The following RORA variants were observed in gnomAD, a reference collection of about 807,000 sequenced individuals.
The protein encoded by RORA is RAR related orphan receptor A, also known as nuclear receptor ROR-alpha.
A neutral mutation model predicts 69.5 loss-of-function variants in RORA; 7 were observed. The ratio of observed to expected loss-of-function variants is 0.10; its 90% CI spans 0.06 to 0.19. The LOEUF (loss-of-function observed/expected upper bound fraction) is 0.19. Among genes scored for constraint, RORA ranks in the 10% least tolerant of loss-of-function variants. The pLI, the probability that RORA is intolerant of heterozygous loss-of-function variation, is 1.00. For synonymous variants in RORA, 261 were observed against 240.8 expected (o/e 1.08, Z -0.78); for missense variants, 457 against 663.0 (o/e 0.69, Z 3.41).
intron 1 of RORA, among the ~76,000 whole-genome samples, chr15:61,020,257 C>T (rs1193159662): frequency 6.6e-6 from 1 of 152,160 alleles, no homozygotes; most frequent in African/African-American, 2.4e-5. Context: ...AGCTTCCCAC[C>T]TCTGTCACTT....
chr15:60,857,497 C>A (rs1179205712), intron 1 of RORA, among the ~76,000 whole-genome samples: 1 of 152,054 alleles, frequency 6.6e-6, no homozygotes, highest in Non-Finnish European at 1.5e-5. Context: ...GTACACTCAG[C>A]CAAAGTGACT....
At position 61,005,583 on chromosome 15, in the gene RORA, CTCTT is replaced by C. The variant is rs748935557; in HGVS notation, c.166+223466_166+223469del. Reference sequence around the variant, plus strand: ...TGAAATCTGAAAGCTTTCTCTCTCTCTCTTTCTCTATAATATGTATATATACATA... The same window carrying C: ...TGAAATCTGAAAGCTTTCTCTCTCTCTCTCTATAATATGTATATATACATA... On this transcript the variant is annotated intron_variant, in intron 1 of 10. Coordinates refer to ENST00000335670, the MANE Select transcript of RORA (RefSeq NM_134261.3). Among the ~76,000 whole-genome samples the C allele has an allele frequency of 2.9e-3, 434 of 149,244 alleles. 1 individual carries two copies. The highest frequency in any genetic ancestry group is 5.5e-3 in the Non-Finnish European group (371 of 66,986).
intron 1 of RORA, among the ~76,000 whole-genome samples, chr15:60,798,711 T>A (rs147609238): frequency 0.011 from 1,649 of 152,132 alleles, 29 homozygotes; most frequent in African/African-American, 0.038. Context: ...CAGGCTTAAG[T>A]ATCAGACAGA....
rs1444233714 is a variant in RORA at position 60,678,500 on chromosome 15, G to A, written c.196+157C>T. On this transcript the variant is annotated intron_variant, in intron 2 of 10. Coordinates refer to ENST00000335670, the MANE Select transcript of RORA (RefSeq NM_134261.3). ...ACTCAGTACAAACAGGTGGAGATGTGCCACTTCCGACCACTACAGATTGAA... is the reference window on the plus strand; with the variant it reads ...ACTCAGTACAAACAGGTGGAGATGTACCACTTCCGACCACTACAGATTGAA... 6 of 641,788 alleles carry A rather than the reference G, an allele frequency of 9.3e-6. No homozygotes were observed. In the Admixed American group the frequency reaches 1.5e-4, roughly 16 times the overall value. 39.8% of individuals were successfully genotyped at this position (641,788 alleles called of 1,614,324 possible).
chr15:60,557,029 G>A (rs913660270), intron 2 of RORA: 93 of 936,792 alleles, frequency 9.9e-5, no homozygotes, highest in Non-Finnish European at 1.4e-4. Context: ...ACAGCAATAA[G>A]TACCCAAAAA....
intron 1 of RORA, among the ~76,000 whole-genome samples, chr15:60,852,361 C>G (rs780073417): frequency 6.6e-6 from 1 of 152,204 alleles, no homozygotes; most frequent in African/African-American, 2.4e-5. Flanking sequence ...GCCAGCTGCA[C>G]AGCTGTGCGT....
At chr15:60,939,561 T>G (rs1892625906) in intron 1 of RORA, among the ~76,000 whole-genome samples, 1 of 152,168 alleles carries the variant, frequency 6.6e-6, no homozygotes, top group Admixed American at 6.5e-5. Flanking sequence ...AATAATATAT[T>G]ATGCCTTTCG....
chr15:60,887,307 C>T (rs2073762436), intron 1 of RORA, among the ~76,000 whole-genome samples: 1 of 152,190 alleles, frequency 6.6e-6, no homozygotes, highest in African/African-American at 2.4e-5. Flanking sequence ...GTTGTGAAGA[C>T]ATACTCTTGT....
chr15:60,694,212 G>C (rs765429040), intron 1 of RORA, among the ~76,000 whole-genome samples: 1 of 152,128 alleles, frequency 6.6e-6, no homozygotes, highest in Non-Finnish European at 1.5e-5. Flanking sequence ...AAGGTCAAAT[G>C]GTCCCTGTAA....
intron 1 of RORA, among the ~76,000 whole-genome samples, chr15:61,134,372 C>T (rs985328278): frequency 6.6e-6 from 1 of 152,206 alleles, no homozygotes; most frequent in Non-Finnish European, 1.5e-5. Flanking sequence ...TGCTGCTGGG[C>T]TGTGAATACC....
intron 2 of RORA, among the ~76,000 whole-genome samples, chr15:60,657,964 T>A (rs1053053493): frequency 6.6e-6 from 1 of 152,216 alleles, no homozygotes; most frequent in African/African-American, 2.4e-5. Flanking sequence ...TCTTGGCCTC[T>A]CCATCCAAAA....
Position 61,076,154 on chromosome 15 carries a change from C to A in RORA, c.166+152899G>T, listed in dbSNP as rs563560536. 2.0e-5 allele frequency among the ~76,000 whole-genome samples: 3 copies of A among 152,304 alleles called. No homozygotes were observed. In the South Asian group the frequency reaches 6.2e-4, roughly 32 times the overall value. ...GTGATTCTCTGACAGGAGCATGCGTCAGATGTGCCAGGGAAGGTGTGTTAA... is the reference window on the plus strand; with the variant it reads ...GTGATTCTCTGACAGGAGCATGCGTAAGATGTGCCAGGGAAGGTGTGTTAA... On this transcript the variant is annotated intron_variant, in intron 1 of 10. Transcript: ENST00000335670.
chr15:61,070,965 C>T (rs1286266547), intron 1 of RORA, among the ~76,000 whole-genome samples: 1 of 151,876 alleles, frequency 6.6e-6, no homozygotes, highest in Non-Finnish European at 1.5e-5. Context: ...ATTCAGATTA[C>T]ATTCTACTTT....
rs926590940 is a variant in RORA, at chr15:61,014,264, T to C, written c.166+214789A>G. On this transcript the variant is annotated intron_variant, in intron 1 of 10. Transcript: ENST00000335670. Reference sequence around the variant, plus strand: ...AATTATACACAGCTTTGAGAGTTACTGTTGAGATTATTACAGTGTATTTGT... The same window carrying C: ...AATTATACACAGCTTTGAGAGTTACCGTTGAGATTATTACAGTGTATTTGT... Among the ~76,000 whole-genome samples, 6 of 152,250 alleles carry C rather than the reference T, an allele frequency of 3.9e-5. No individual in the cohort carries two copies. The South Asian group carries it at 6.2e-4, about 16-fold the overall frequency.
At chr15:60,908,405 T>C (rs763864545) in intron 1 of RORA, among the ~76,000 whole-genome samples, 13 of 152,166 alleles carry the variant, frequency 8.5e-5, no homozygotes, top group Non-Finnish European at 1.6e-4. Context: ...ATGCCCTATT[T>C]TCCCCCCTCC....
At chr15:61,010,463 T>A (rs1895050720) in intron 1 of RORA, among the ~76,000 whole-genome samples, 2 of 152,148 alleles carry the variant, frequency 1.3e-5, no homozygotes, top group Admixed American at 6.6e-5. Context: ...TAGGACTTAG[T>A]TGCAAGTACT....
At chr15:60,675,006 G>T (rs2070532552) in intron 2 of RORA, among the ~76,000 whole-genome samples, 1 of 152,128 alleles carries the variant, frequency 6.6e-6, no homozygotes, top group Admixed American at 6.5e-5. Context: ...GTGTTGTGGT[G>T]GCTGTCTGAT....
At chr15:60,909,371 C>T (rs977628722) in intron 1 of RORA, among the ~76,000 whole-genome samples, 1 of 152,180 alleles carries the variant, frequency 6.6e-6, no homozygotes. Flanking sequence ...TGTGTCAAAG[C>T]TCTGGATACT....
chr15:60,537,340 C>G lies in RORA; in HGVS notation c.197-5489G>C, dbSNP rs1277060589. On this transcript the variant is annotated intron_variant, in intron 2 of 10. Transcript: ENST00000335670. The surrounding 1 kb of genome is among the most constrained non-coding windows in gnomAD (Gnocchi z 4.9). Reference sequence around the variant, plus strand: ...GGTTGAAATGCACCTGGCTGTGAGCCTTGCTGCAGAGTGACTGCAACAGCC... The same window carrying G: ...GGTTGAAATGCACCTGGCTGTGAGCGTTGCTGCAGAGTGACTGCAACAGCC... Among the ~76,000 whole-genome samples the G allele has an allele frequency of 6.6e-6, 1 of 152,196 alleles. No homozygotes were observed. Among genetic ancestry groups the G allele is most frequent in the Non-Finnish European group, 1.5e-5 (1 of 68,024 alleles).
Sources: gnomAD v4.1 joint callset for allele counts (sites outside exome capture counted in the v4.1 genomes callset) on GRCh38, gnomAD v4.1.1 for gene constraint, Gnocchi (gnomAD v3.1) non-coding constraint, MANE v1.5 for transcripts, NCBI Gene and HGNC (gene_info 2026-07-23, HGNC 2026-07-21) for gene names.